Variants in CHD6 observed in about 807,000 individuals in gnomAD.
CHD6 encodes the protein chromodomain helicase DNA binding protein 6.
CHD6 carries 50 observed loss-of-function variants against 276.9 expected under a neutral mutation model. The observed-to-expected ratio is 0.18, with a 90% CI of 0.14 to 0.23. The LOEUF (loss-of-function observed/expected upper bound fraction) is 0.23, where lower values mean the gene tolerates loss of function less well. Ranked by LOEUF, CHD6 falls within the 10% of genes least tolerant of loss-of-function variation. The pLI, the probability that CHD6 is intolerant of heterozygous loss-of-function variation, is 1.00. For missense variants in CHD6, 2,564 were observed against 3,365.8 expected (o/e 0.76, Z 5.89); for synonymous variants, 1,173 against 1,229.3 (o/e 0.95, Z 0.96).
chr20:41,478,223 C>G (rs942389371), intron 16 of CHD6, among the ~76,000 whole-genome samples: 1 of 151,976 alleles, frequency 6.6e-6, no homozygotes, highest in Non-Finnish European at 1.5e-5. Flanking sequence ...CTCCACAGTG[C>G]CCCCCCATCT....
intron 2 of CHD6, among the ~76,000 whole-genome samples, chr20:41,541,451 A>G (rs2044940682): frequency 6.6e-6 from 1 of 152,204 alleles, no homozygotes; most frequent in Non-Finnish European, 1.5e-5. Context: ...AGGTGCAGAA[A>G]TCCAGTAGGT....
chr20:41,489,360 C>T (rs1300224319), intron 12 of CHD6, among the ~76,000 whole-genome samples: 1 of 149,236 alleles, frequency 6.7e-6, no homozygotes, highest in African/African-American at 2.5e-5. Context: ...TGATTTGAAA[C>T]CTATTTTCTC....
chr20:41,449,415 C>T (rs1480040807), intron 23 of CHD6, among the ~76,000 whole-genome samples: 1 of 152,136 alleles, frequency 6.6e-6, no homozygotes, highest in African/African-American at 2.4e-5. Flanking sequence ...GAGCTGTTTC[C>T]ATTTCTATAA....
intron 5 of CHD6, among the ~76,000 whole-genome samples, chr20:41,510,483 CA>C (rs1222829004): frequency 6.6e-6 from 1 of 152,206 alleles, no homozygotes; most frequent in Non-Finnish European, 1.5e-5. Context: ...CTCTGAATGT[CA>C]AAGCCAAAAC....
At chr20:41,407,642 C>A (rs1048680296) in intron 36 of CHD6, among the ~76,000 whole-genome samples, 3 of 152,316 alleles carry the variant, frequency 2.0e-5, no homozygotes, top group Middle Eastern at 3.4e-3. Flanking sequence ...GCAGCTGTAA[C>A]CTTAGCTGGT....
intron 1 of CHD6, among the ~76,000 whole-genome samples, chr20:41,595,952 C>T (rs1196092180): frequency 6.6e-6 from 1 of 152,104 alleles, no homozygotes; most frequent in African/African-American, 2.4e-5. Context: ...CTAAAAGCTA[C>T]AGGAAATAAG....
chr20:41,487,577 G>C (rs889810440), intron 14 of CHD6, 88 bp downstream of exon 14: 2 of 1,300,282 alleles, frequency 1.5e-6, no homozygotes, highest in Admixed American at 4.8e-5. Context: ...GTGACAACTT[G>C]CTAAATCCTG....
intron 36 of CHD6, among the ~76,000 whole-genome samples, chr20:41,406,471 G>C (rs1167422915): frequency 6.6e-6 from 1 of 152,232 alleles, no homozygotes; most frequent in Non-Finnish European, 1.5e-5. Context: ...TGCTCCAGCA[G>C]CATCAGCGAG....
At chr20:41,469,858 G>A (rs929903759) in intron 17 of CHD6, among the ~76,000 whole-genome samples, 7 of 152,182 alleles carry the variant, frequency 4.6e-5, no homozygotes, top group Non-Finnish European at 1.0e-4. Context: ...ATCTCTCAGT[G>A]CTAACTTTAA....
chr20:41,491,555 G>T, intron 11 of CHD6, 143 bp downstream of exon 11: 1 of 820,556 alleles, frequency 1.2e-6, no homozygotes, highest in Non-Finnish European at 1.9e-6. Context: ...AGTCTTGGAT[G>T]ATTAATGTGC....
chr20:41,524,311 C>G (rs1022018239), intron 3 of CHD6, among the ~76,000 whole-genome samples: 2 of 152,082 alleles, frequency 1.3e-5, no homozygotes, highest in African/African-American at 4.8e-5. Context: ...TAAAAAGACC[C>G]TAATTATTTT....
chr20:41,435,097 A>G (rs1207701496), intron 27 of CHD6, among the ~76,000 whole-genome samples: 1 of 152,226 alleles, frequency 6.6e-6, no homozygotes, highest in Non-Finnish European at 1.5e-5. Context: ...ACACTTGGAC[A>G]CTAAATAATA....
intron 3 of CHD6, among the ~76,000 whole-genome samples, chr20:41,531,673 A>C (rs1041968495): frequency 6.6e-6 from 1 of 152,238 alleles, no homozygotes; most frequent in Non-Finnish European, 1.5e-5. Context: ...TGGTAGATGA[A>C]AGATGAAATT....
In CHD6 at chr20:41,402,698, ATTGAG is replaced by A. The variant is rs553840437; in HGVS notation, c.*1890_*1894del. 1.5e-4 allele frequency: 31 copies of A among 213,438 alleles called. No homozygotes were observed. Among genetic ancestry groups the A allele is most frequent in the Admixed American group, 2.3e-4 (4 of 17,146 alleles). The allele number at this position is 213,438 out of a possible 1,614,324, so 13.2% of individuals were successfully genotyped here. On this transcript the variant is annotated 3_prime_UTR_variant, in exon 37 of 37. Coordinates refer to ENST00000373233, the MANE Select transcript of CHD6 (RefSeq NM_032221.5). ...ACTTAAAAGGTTCAAAAATATATTG[ATTGAG>A]TTATTTTTCTTACATAAATAAATTA...
rs1477050067 is a variant in CHD6, at chr20:41,403,049, A to G, written c.*1544T>C. 4 of 216,342 alleles carry G rather than the reference A, an allele frequency of 1.8e-5. No homozygotes were observed. Among genetic ancestry groups the G allele is most frequent in the Admixed American group, 5.9e-5 (1 of 17,094 alleles). The allele number at this position is 216,342 out of a possible 1,614,324, so 13.4% of individuals were successfully genotyped here. A position where few individuals can be genotyped will look rare whatever the true frequency, so the allele number is the denominator to read the frequency against. ...TTGAGATGCTCATTTTAACATTTAC[A>G]TAATTTATAATCCCAAATGTATAAA... On this transcript the variant is annotated 3_prime_UTR_variant, in exon 37 of 37. Coordinates refer to ENST00000373233, the MANE Select transcript of CHD6 (RefSeq NM_032221.5).
intron 1 of CHD6, among the ~76,000 whole-genome samples, chr20:41,611,467 A>G (rs543438119): frequency 2.0e-4 from 30 of 152,338 alleles, no homozygotes; most frequent in African/African-American, 7.2e-4. Context: ...GGACACCTCC[A>G]TCATAACAGG....
In CHD6 at chr20:41,533,791, T is replaced by C. The variant is rs116804677; in HGVS notation, c.34-221A>G. Among the ~76,000 whole-genome samples, 387 of 152,296 alleles carry C rather than the reference T, an allele frequency of 2.5e-3. 1 individual carries two copies. Among genetic ancestry groups the C allele is most frequent in the African/African-American group, 9.0e-3 (373 of 41,574 alleles). ...GCCAACGTGTTGTTAGCATACTAAA[T>C]CAGGATCATTCAAAGGTAGGCCTTT... On this transcript the variant is annotated intron_variant, in intron 2 of 36. Transcript: ENST00000373233.
intron 17 of CHD6, among the ~76,000 whole-genome samples, chr20:41,461,300 T>C (rs1336328778): frequency 6.6e-6 from 1 of 152,102 alleles, no homozygotes; most frequent in Admixed American, 6.5e-5. Context: ...TGGGAAGGCA[T>C]GAAATGTGAA....
chr20:41,537,773 A>G (rs1159551191), intron 2 of CHD6, among the ~76,000 whole-genome samples: 1 of 152,206 alleles, frequency 6.6e-6, no homozygotes, highest in Non-Finnish European at 1.5e-5. Flanking sequence ...ACTTTCATAC[A>G]TTGTTGGTGG....
Sources: gnomAD v4.1 joint callset for allele counts (sites outside exome capture counted in the v4.1 genomes callset) on GRCh38, gnomAD v4.1.1 for gene constraint, MANE v1.5 for transcripts, NCBI Gene and HGNC (gene_info 2026-07-23, HGNC 2026-07-21) for gene names.